The following SULF2 variants were observed in gnomAD, a reference collection of about 807,000 sequenced individuals.
The protein encoded by SULF2 is sulfatase 2, also known as extracellular sulfatase Sulf-2.
Under a neutral mutation model 107.7 loss-of-function variants are expected in SULF2, and 52 were observed. That is an observed-to-expected ratio of 0.48 (90% CI 0.39 to 0.61). SULF2 has a LOEUF of 0.61. Ranked by LOEUF, SULF2 falls within the 20% of genes least tolerant of loss-of-function variation. The probability of loss-of-function intolerance (pLI) is 0.00; values close to 1 mark genes in which losing one functional copy is unlikely to be tolerated. For synonymous variants in SULF2, 460 were observed against 464.3 expected (o/e 0.99, Z 0.12); for missense variants, 993 against 1,177.3 (o/e 0.84, Z 2.29).
At chr20:47,668,914 T>TC (rs1275424804) in intron 11 of SULF2, among the ~76,000 whole-genome samples, 2 of 152,170 alleles carry the variant, frequency 1.3e-5, no homozygotes, top group Non-Finnish European at 2.9e-5. Flanking sequence ...GTCTTTGTAC[T>TC]CCATCTTCCT....
intron 2 of SULF2, among the ~76,000 whole-genome samples, chr20:47,746,978 T>TTAA (rs1317317602): frequency 2.0e-3 from 100 of 51,148 alleles, no homozygotes; most frequent in South Asian, 0.014. Flanking sequence ...AGAACTTAAA[T>TTAA]AAATAAAAAA....
At chr20:47,714,254 T>G (rs756357642) in intron 3 of SULF2, among the ~76,000 whole-genome samples, 8 of 152,224 alleles carry the variant, frequency 5.3e-5, no homozygotes, top group Middle Eastern at 3.2e-3. Context: ...TATGTATCAT[T>G]TGGACCGCTG....
rs2088291322 is a variant in SULF2, at chr20:47,694,026, A to G, written c.568-3731T>C. On this transcript the variant is annotated intron_variant, in intron 4 of 20. Coordinates refer to ENST00000688720, the MANE Select transcript of SULF2 (RefSeq NM_001387048.1). This position sits in a 1 kb window ranked among gnomAD's most constrained non-coding sequence, Gnocchi z 4.4. ...GCTCCCCTCCTTATCCATCCTCCTC[A>G]GTGGCCACTCCTCGGCTAAGTCTTC... 6.6e-6 allele frequency among the ~76,000 whole-genome samples: 1 copy of G among 152,110 alleles called. No individual in the cohort carries two copies. Among genetic ancestry groups the G allele is most frequent in the Non-Finnish European group, 1.5e-5 (1 of 68,004 alleles).
At chr20:47,783,621 A>G (rs2090869752) in intron 1 of SULF2, among the ~76,000 whole-genome samples, 1 of 152,178 alleles carries the variant, frequency 6.6e-6, no homozygotes, top group Non-Finnish European at 1.5e-5. Flanking sequence ...GTTTCAGAAA[A>G]AGCCATAAAT....
chr20:47,768,515 C>T (rs927965704), intron 1 of SULF2, among the ~76,000 whole-genome samples: 1 of 152,248 alleles, frequency 6.6e-6, no homozygotes, highest in Non-Finnish European at 1.5e-5. Context: ...ACTCCCGTGG[C>T]TTCCTGGCCA....
At position 47,734,961 on chromosome 20, in the gene SULF2, G is replaced by A. The variant is rs752440214; in HGVS notation, c.415+1742C>T. Among the ~76,000 whole-genome samples the A allele has an allele frequency of 2.2e-4, 34 of 152,018 alleles. 1 individual carries two copies. The highest frequency in any genetic ancestry group is 1.9e-4 in the East Asian group (1 of 5,194). On this transcript the variant is annotated intron_variant, in intron 3 of 20. Transcript: ENST00000688720. Reference sequence around the variant, plus strand: ...TTGAAATGATTGATTTTCTCATGTCGCCTGTAAGATTTTGAAACACTAGCC... The same window carrying A: ...TTGAAATGATTGATTTTCTCATGTCACCTGTAAGATTTTGAAACACTAGCC...
chr20:47,660,417 A>G (rs867909053), intron 18 of SULF2, among the ~76,000 whole-genome samples: 2 of 152,266 alleles, frequency 1.3e-5, no homozygotes, highest in Middle Eastern at 6.8e-3. Flanking sequence ...CCTCTTCATA[A>G]CTAGAGCCGA....
intron 2 of SULF2, among the ~76,000 whole-genome samples, chr20:47,751,129 G>GGCAT (rs1175244942): frequency 6.6e-6 from 1 of 152,126 alleles, no homozygotes; most frequent in East Asian, 1.9e-4. Context: ...GATCTCCTTT[G>GGCAT]GCATACAGTA....
At chr20:47,748,428 G>C (rs1175469909) in intron 2 of SULF2, among the ~76,000 whole-genome samples, 1 of 152,246 alleles carries the variant, frequency 6.6e-6, no homozygotes, top group African/African-American at 2.4e-5. Context: ...CTCTGGTGTT[G>C]CTGAGACCCT....
chr20:47,726,764 C>CT (rs1192201484), intron 3 of SULF2, among the ~76,000 whole-genome samples: 1 of 152,176 alleles, frequency 6.6e-6, no homozygotes, highest in African/African-American at 2.4e-5. Context: ...TAGGAGAGGA[C>CT]TACAAAAGGT....
intron 1 of SULF2, among the ~76,000 whole-genome samples, chr20:47,777,278 C>T (rs2090741471): frequency 6.6e-6 from 1 of 152,192 alleles, no homozygotes; most frequent in Non-Finnish European, 1.5e-5. Context: ...CAAAACCCAA[C>T]TCCGGACCAA....
At position 47,690,080 on chromosome 20, in the gene SULF2, C is replaced by G. The variant is rs746148390; in HGVS notation, c.737+46G>C. 7 of 1,358,336 alleles carry G rather than the reference C, an allele frequency of 5.2e-6. No homozygotes were observed. The South Asian group carries it at 1.1e-4, about 21-fold the overall frequency. 84.1% of individuals were successfully genotyped at this position (1,358,336 alleles called of 1,614,324 possible). A position where few individuals can be genotyped will look rare whatever the true frequency, so the allele number is the denominator to read the frequency against. ...CTGTTGCTAAAGCCTGACCCTCCCC[C>G]TTCATGCTAAGCAGTGCCTCTGGCA... is the stretch of plus-strand genomic sequence containing the variant. On this transcript the variant is annotated intron_variant, in intron 5 of 20. Transcript: ENST00000688720.
intron 20 of SULF2, 144 bp from the exon 21 acceptor site, chr20:47,658,536 C>A: frequency 2.4e-6 from 2 of 838,372 alleles, no homozygotes; most frequent in East Asian, 2.5e-5. Flanking sequence ...GGATTGCCAC[C>A]ACCTAGTCAC....
intron 3 of SULF2, among the ~76,000 whole-genome samples, chr20:47,704,817 C>A (rs566310531): frequency 6.6e-6 from 1 of 152,220 alleles, no homozygotes; most frequent in Admixed American, 6.5e-5. Context: ...AGTGCTTGGC[C>A]GAGAAGCCAG....
intron 3 of SULF2, among the ~76,000 whole-genome samples, chr20:47,721,679 G>A (rs1162500062): frequency 7.9e-5 from 12 of 152,088 alleles, no homozygotes; most frequent in Admixed American, 7.9e-4. Flanking sequence ...CTGCATGTGG[G>A]TTTCTATAGT....
rs74938052 is a variant in SULF2, at chr20:47,666,988, A to G, written c.1577-500T>C. Among the ~76,000 whole-genome samples the G allele has an allele frequency of 0.013, 2,054 of 152,260 alleles. 44 individuals carry two copies. Among genetic ancestry groups the G allele is most frequent in the African/African-American group, 0.047 (1,942 of 41,542 alleles). On this transcript the variant is annotated intron_variant, in intron 11 of 20. Transcript: ENST00000688720. This position sits in a 1 kb window ranked among gnomAD's most constrained non-coding sequence, Gnocchi z 5.4. The stretch of plus-strand genomic sequence containing the variant: ...ATTGCCAGGGGCTGGGGGAGAGGGT[A>G]GTGAGGAGTGACTGCTTTGTGGGTA...
intron 2 of SULF2, among the ~76,000 whole-genome samples, chr20:47,746,989 AAAAAAATAT>A (rs1296751231): frequency 1.6e-4 from 10 of 61,536 alleles, no homozygotes; most frequent in African/African-American, 5.8e-4. Context: ...AAATAAAAAA[AAAAAAATAT>A]ATATATATAT....
chr20:47,672,494 C>A, intron 10 of SULF2, 101 bp from the exon 11 acceptor site: 1 of 1,450,278 alleles, frequency 6.9e-7, no homozygotes, highest in South Asian at 1.4e-5. Flanking sequence ...CCTCTCCCTG[C>A]TTGCATCCAG....
intron 1 of SULF2, among the ~76,000 whole-genome samples, chr20:47,762,948 C>T (rs146430463): frequency 6.6e-6 from 1 of 152,350 alleles, no homozygotes; most frequent in East Asian, 1.9e-4. Flanking sequence ...TGATGAATTC[C>T]CCTGGCTCAG....
Sources: gnomAD v4.1 joint callset for allele counts (sites outside exome capture counted in the v4.1 genomes callset) on GRCh38, gnomAD v4.1.1 for gene constraint, Gnocchi (gnomAD v3.1) non-coding constraint, MANE v1.5 for transcripts, NCBI Gene and HGNC (gene_info 2026-07-23, HGNC 2026-07-21) for gene names.